Variants in DDX5 observed in about 807,000 individuals in gnomAD.
DDX5 encodes the protein DEAD-box helicase 5.
In DDX5, 6 loss-of-function variants were observed where a neutral mutation model predicts 68.6. The ratio of observed to expected loss-of-function variants is 0.09; its 90% CI spans 0.05 to 0.17. The LOEUF (loss-of-function observed/expected upper bound fraction) is 0.17. Among genes scored for constraint, DDX5 ranks in the 10% least tolerant of loss-of-function variants. The pLI, the probability that DDX5 is intolerant of heterozygous loss-of-function variation, is 1.00. For synonymous variants in DDX5, 350 were observed against 247.0 expected, an observed-to-expected ratio of 1.42 and a Z score of -3.91; for missense variants, 499 against 756.1, an observed-to-expected ratio of 0.66 and a Z score of 3.99.
In DDX5 at chr17:64,499,145, G is replaced by C. The variant is rs564900149; in HGVS notation, c.*778C>G. On this transcript the variant is annotated 3_prime_UTR_variant, in exon 13 of 13. Coordinates refer to ENST00000225792, the MANE Select transcript of DDX5 (RefSeq NM_004396.5). ...AAAGGGCTAATGTATGTCTTTCACAGGTTTGTTCAACATTTCAGTAATTCA... is the reference window on the plus strand; with the variant it reads ...AAAGGGCTAATGTATGTCTTTCACACGTTTGTTCAACATTTCAGTAATTCA... Among the ~76,000 whole-genome samples the C allele has an allele frequency of 6.6e-6, 1 of 152,294 alleles. No individual in the cohort carries two copies. Among genetic ancestry groups the C allele is most frequent in the South Asian group, 2.1e-4 (1 of 4,830 alleles).
Position 64,498,962 on chromosome 17 carries a change from G to A in DDX5, c.*961C>T, listed in dbSNP as rs1453929492. 2.0e-5 allele frequency among the ~76,000 whole-genome samples: 3 copies of A among 152,162 alleles called. No homozygotes were observed. The highest frequency in any genetic ancestry group is 4.4e-5 in the Non-Finnish European group (3 of 68,026). On this transcript the variant is annotated 3_prime_UTR_variant, in exon 13 of 13. Transcript: ENST00000225792. ...GTATGAATAGACCTTACAGTTTGAG[G>A]ATCTCTAGAATTCCCTGAATTATTG...
Position 64,498,617 on chromosome 17 carries a change from T to C in DDX5, c.*1306A>G, listed in dbSNP as rs2038213488. On this transcript the variant is annotated 3_prime_UTR_variant, in exon 13 of 13. Coordinates refer to ENST00000225792, the MANE Select transcript of DDX5 (RefSeq NM_004396.5). ...CCCTAGCAAATTCTAACTTTACATT[T>C]GACATAAGGCATTAACATCAATTAA... Among the ~76,000 whole-genome samples the C allele has an allele frequency of 6.6e-6, 1 of 152,158 alleles. No homozygotes were observed. Among genetic ancestry groups the C allele is most frequent in the Non-Finnish European group, 1.5e-5 (1 of 68,030 alleles).
At position 64,499,299 on chromosome 17, in the gene DDX5, A is replaced by G. The variant is rs1463052617; in HGVS notation, c.*624T>C. The stretch of plus-strand genomic sequence containing the variant: ...TAGATGACTTTGTATCTATTTTACT[A>G]TTTTCTCATTTAACCATACTAGCAA... On this transcript the variant is annotated 3_prime_UTR_variant, in exon 13 of 13. Coordinates refer to ENST00000225792, the MANE Select transcript of DDX5 (RefSeq NM_004396.5). Among the ~76,000 whole-genome samples the G allele has an allele frequency of 2.0e-5, 3 of 152,042 alleles. No individual in the cohort carries two copies. The highest frequency in any genetic ancestry group is 6.6e-5 in the Admixed American group (1 of 15,256).
In DDX5 at chr17:64,500,192, A is replaced by G; in HGVS notation, c.1576T>C (p.Phe526Leu). 2 of 1,614,072 alleles carry G rather than the reference A, an allele frequency of 1.2e-6. No individual in the cohort carries two copies. The highest frequency in any genetic ancestry group is 1.7e-6 in the Non-Finnish European group (2 of 1,179,994). The change falls in exon 13 of 13, where the codon TTT (phenylalanine) becomes CTT (leucine). Residue 526 changes from phenylalanine to leucine, a missense_variant. Transcript: ENST00000225792. ...RGYSSLLKRD[F>L]GAKTQNGVYS... ...ACACCATTCTGAGTTTTTGCCCCAA[A>G]ATCTCTTTTAAGCAGGCTAGAGTAA...
intron 1 of DDX5, 56 bp downstream of exon 1, chr17:64,506,020 A>AACCCCCCCCCCCCCCCCCCC: frequency 8.1e-6 from 7 of 868,060 alleles, no homozygotes; most frequent in East Asian, 4.4e-5. Context: ...CGCCACCCTG[A>AACCCCCCCCCCCCCCCCCCC]CCCGCCCTCC....
chr17:64,506,347 A>T (rs2038522500), upstream of DDX5: 1 of 1,455,834 alleles, frequency 6.9e-7, no homozygotes, highest in Admixed American at 2.3e-5. Flanking sequence ...CGCCGCAGGG[A>T]ACGCTGGGAG....
At chr17:64,505,874 C>T (rs2038482408) in intron 1 of DDX5, 3 of 1,536,044 alleles carry the variant, frequency 2.0e-6, no homozygotes, top group South Asian at 2.4e-5. Flanking sequence ...ACACAAAAAG[C>T]AAGCTTGAAG....
intron 8 of DDX5, 75 bp from the exon 9 acceptor site, chr17:64,502,624 CAA>C: frequency 9.2e-7 from 1 of 1,086,858 alleles, no homozygotes; most frequent in Non-Finnish European, 1.4e-6. Flanking sequence ...TTATGGTCAG[CAA>C]AACATTAAGT....
rs1245892963 is a variant in DDX5 at position 64,502,682 on chromosome 17, A to C, written c.984-133T>G. 8 of 754,318 alleles carry C rather than the reference A, an allele frequency of 1.1e-5. No individual in the cohort carries two copies. In the African/African-American group the frequency reaches 1.4e-4, roughly 13 times the overall value. 46.7% of individuals were successfully genotyped at this position (754,318 alleles called of 1,614,324 possible). ...TCAAAGAGGAAACGCCTGCTAATCCACTTATCGAGCAGTTCGACCCTTGGT... is the reference window on the plus strand; with the variant it reads ...TCAAAGAGGAAACGCCTGCTAATCCCCTTATCGAGCAGTTCGACCCTTGGT... On this transcript the variant is annotated intron_variant, in intron 8 of 12. Transcript: ENST00000225792.
Position 64,503,350 on chromosome 17 carries a change from TTTAA to T in DDX5, c.650-6_650-3del, listed in dbSNP as rs1391906546. On this transcript the variant is annotated splice_polypyrimidine_tract_variant and splice_region_variant and intron_variant, in intron 6 of 12. Transcript: ENST00000225792. The stretch of plus-strand genomic sequence containing the variant: ...GTGTTGCAATACAGATTTCCACACC[TTTAA>T]TTAAATACGTAAGTGTAACTACAAT... The T allele has an allele frequency of 3.7e-6, 6 of 1,614,174 alleles. No homozygotes were observed. The highest frequency in any genetic ancestry group is 3.3e-5 in the Admixed American group (2 of 60,010).
intron 1 of DDX5, chr17:64,505,636 G>A (rs1458922207): frequency 4.2e-6 from 5 of 1,179,152 alleles, no homozygotes; most frequent in South Asian, 2.6e-5. Context: ...TCAGCCACAT[G>A]GCTGATGCCG....
rs1310563230 is a variant in DDX5, at chr17:64,506,185, A to G, written c.-66T>C. ...AAAAGCGTGCGACAAGTCGCTGGAAATGGCCTCGATGACGGCGAAGCCTTG... is the reference window on the plus strand; with the variant it reads ...AAAAGCGTGCGACAAGTCGCTGGAAGTGGCCTCGATGACGGCGAAGCCTTG... On this transcript the variant is annotated 5_prime_UTR_variant, in exon 1 of 13. Coordinates refer to ENST00000225792, the MANE Select transcript of DDX5 (RefSeq NM_004396.5). 4 of 1,583,422 alleles carry G rather than the reference A, an allele frequency of 2.5e-6. No homozygotes were observed. Among genetic ancestry groups the G allele is most frequent in the Non-Finnish European group, 2.6e-6 (3 of 1,164,824 alleles).
At position 64,500,264 on chromosome 17, in the gene DDX5, T is replaced by G; in HGVS notation, c.1504A>C (p.Arg502=). 1 of 1,614,156 alleles carries G rather than the reference T, an allele frequency of 6.2e-7. No homozygotes were observed. The highest frequency in any genetic ancestry group is 8.5e-7 in the Non-Finnish European group (1 of 1,179,998). The change falls in exon 13 of 13, where the codon AGG becomes CGG. Residue 502 remains arginine (R), a synonymous_variant. Transcript: ENST00000225792. ...TCTCTAAAGGTATTAAATCCACCCC[T>G]TTTGCCCGCAGAGTATCTGTCCCGA... ...DRRDRYSAGK[R]GGFNTFRDRE... is the part of the protein sequence containing the mutation.
In DDX5 at chr17:64,498,651, T is replaced by C. The variant is rs2144237665; in HGVS notation, c.*1272A>G. On this transcript the variant is annotated 3_prime_UTR_variant, in exon 13 of 13. Coordinates refer to ENST00000225792, the MANE Select transcript of DDX5 (RefSeq NM_004396.5). ...GCATTAACATCAATTAAAGCCTCAG[T>C]TTAATAATCAGAATTTAAATGAAGT... 6.6e-6 allele frequency among the ~76,000 whole-genome samples: 1 copy of C among 152,256 alleles called. No homozygotes were observed. The highest frequency in any genetic ancestry group is 2.1e-4 in the South Asian group (1 of 4,826).
chr17:64,503,604 C>T, intron 5 of DDX5, 33 bp from the exon 6 acceptor site: 2 of 1,610,660 alleles, frequency 1.2e-6, no homozygotes, highest in Non-Finnish European at 1.7e-6. Context: ...CAGCACAAAC[C>T]TGGATACTAG....
At chr17:64,505,116 A>C in intron 1 of DDX5, 1 of 344,396 alleles carries the variant, frequency 2.9e-6, no homozygotes, top group Non-Finnish European at 5.2e-6. Context: ...TGTCACCCAC[A>C]TGCCAGAATT....
At position 64,502,194 on chromosome 17, in the gene DDX5, T is replaced by C; in HGVS notation, c.1124A>G (p.Lys375Arg). ...AACCCAGTCACGCTCTTGTTGACTC[T>C]TGTCACCATGGATACCCATGGCAGG... ...GWPAMGIHGD[K>R]SQQERDWVLN... The change falls in exon 10 of 13, where the codon AAG becomes AGG. Residue 375 changes from lysine (K) to arginine (R), a missense_variant. Transcript: ENST00000225792. The C allele has an allele frequency of 6.2e-7, 1 of 1,614,170 alleles. No individual in the cohort carries two copies. The highest frequency in any genetic ancestry group is 8.5e-7 in the Non-Finnish European group (1 of 1,180,020).
chr17:64,500,185 G>C lies in DDX5; in HGVS notation c.1583C>G (p.Ala528Gly). The C allele has an allele frequency of 6.2e-7, 1 of 1,614,108 alleles. No individual in the cohort carries two copies. The highest frequency in any genetic ancestry group is 1.3e-5 in the African/African-American group (1 of 75,010). ...YSSLLKRDFG[A>G]KTQNGVYSAA... is the part of the protein sequence containing the mutation. The stretch of plus-strand genomic sequence containing the variant: ...ACTGTAAACACCATTCTGAGTTTTT[G>C]CCCCAAAATCTCTTTTAAGCAGGCT... The change falls in exon 13 of 13, where the codon GCA becomes GGA. Residue 528 changes from alanine to glycine, a missense_variant. Physicochemically the swap from Ala to Gly is moderately conservative, Grantham distance 60. Coordinates refer to ENST00000225792, the MANE Select transcript of DDX5 (RefSeq NM_004396.5).
upstream of DDX5, chr17:64,506,552 G>T (rs964266077): frequency 3.5e-5 from 17 of 483,930 alleles, no homozygotes; most frequent in Non-Finnish European, 5.1e-5. Flanking sequence ...AAGCCACCCC[G>T]CCCTTTCCCA....
Sources: allele counts gnomAD v4.1 joint callset (sites outside exome capture counted in the v4.1 genomes callset), GRCh38; gene constraint gnomAD v4.1.1; transcripts MANE v1.5; gene names NCBI Gene and HGNC (gene_info 2026-07-23, HGNC 2026-07-21).